The following ANP32A variants were observed in gnomAD, a reference collection of about 807,000 sequenced individuals.
The protein encoded by ANP32A is acidic nuclear phosphoprotein 32 family member A, also known as acidic leucine-rich nuclear phosphoprotein 32 family member A.
Under a neutral mutation model 33.9 loss-of-function variants are expected in ANP32A, and 1 was observed. That is an observed-to-expected ratio of 0.03 (90% CI 0.01 to 0.14). The LOEUF is 0.14. Among genes scored for constraint, ANP32A ranks in the 10% least tolerant of loss-of-function variants. The pLI is 1.00. For missense variants in ANP32A, 155 were observed against 306.0 expected, an observed-to-expected ratio of 0.51 and a Z score of 3.68; for synonymous variants, 115 against 120.5, an observed-to-expected ratio of 0.95 and a Z score of 0.30.
At chr15:68,796,025 AG>A (rs1348666716) in intron 1 of ANP32A, among the ~76,000 whole-genome samples, 2 of 152,118 alleles carry the variant, frequency 1.3e-5, no homozygotes, top group African/African-American at 4.8e-5. Flanking sequence ...AGTGTGGAAA[AG>A]GGGAGATGAA....
intron 1 of ANP32A, among the ~76,000 whole-genome samples, chr15:68,819,871 G>A (rs375826564): frequency 6.6e-6 from 1 of 152,162 alleles, no homozygotes; most frequent in Non-Finnish European, 1.5e-5. Flanking sequence ...TCCTCCCTTC[G>A]GAAGGAAAGG....
chr15:68,788,872 T>C (rs1893965925), intron 1 of ANP32A, among the ~76,000 whole-genome samples: 1 of 152,202 alleles, frequency 6.6e-6, no homozygotes, highest in Non-Finnish European at 1.5e-5. Context: ...CTAAATCCTT[T>C]ATTTCTAATG....
At chr15:68,807,667 T>C (rs1198868862) in intron 1 of ANP32A, among the ~76,000 whole-genome samples, 2 of 152,042 alleles carry the variant, frequency 1.3e-5, no homozygotes, top group Non-Finnish European at 2.9e-5. Context: ...AACCCATACC[T>C]GGCATAAACG....
chr15:68,815,059 G>C (rs554924080), intron 1 of ANP32A, among the ~76,000 whole-genome samples: 2 of 152,186 alleles, frequency 1.3e-5, no homozygotes, highest in Admixed American at 6.5e-5. Flanking sequence ...CCAGTAACAA[G>C]GATAATTTCT....
intron 1 of ANP32A, among the ~76,000 whole-genome samples, chr15:68,818,489 C>T (rs1275542586): frequency 6.6e-6 from 1 of 151,994 alleles, no homozygotes; most frequent in African/African-American, 2.4e-5. Context: ...CAGAAAGTGC[C>T]CCCTCCTCCG....
intron 1 of ANP32A, among the ~76,000 whole-genome samples, chr15:68,815,547 C>A (rs904228107): frequency 6.6e-6 from 1 of 152,120 alleles, no homozygotes; most frequent in Non-Finnish European, 1.5e-5. Flanking sequence ...ACAAATAATT[C>A]TTAGCTCATG....
chr15:68,781,118 C>A (rs202226885), intron 5 of ANP32A: 1 of 152,186 alleles, frequency 6.6e-6, no homozygotes, highest in East Asian at 1.9e-4. Flanking sequence ...TTCCTCTGCT[C>A]CTGAAAGTAT....
chr15:68,818,524 A>C (rs1336145274), intron 1 of ANP32A, among the ~76,000 whole-genome samples: 4 of 150,784 alleles, frequency 2.7e-5, no homozygotes, highest in Non-Finnish European at 4.4e-5. Flanking sequence ...CCCCGCCTCC[A>C]GGCAGGGGGC....
At chr15:68,787,725 T>TCCCCCCCC in intron 2 of ANP32A, 45 bp downstream of exon 2, 1 of 1,597,686 alleles carries the variant, frequency 6.3e-7, no homozygotes, top group Non-Finnish European at 8.6e-7. Flanking sequence ...CCCTTCCCAC[T>TCCCCCCCC]CCCCACCCCC....
chr15:68,801,601 C>A (rs1183840343), intron 1 of ANP32A, among the ~76,000 whole-genome samples: 1 of 152,074 alleles, frequency 6.6e-6, no homozygotes, highest in Admixed American at 6.5e-5. Context: ...GACTTTGCAC[C>A]CCAGAAAGCA....
intron 1 of ANP32A, chr15:68,817,468 G>A (rs1894398759): frequency 6.6e-6 from 1 of 152,354 alleles, no homozygotes. Flanking sequence ...GCTGTCCTTG[G>A]CTTCAGTCAG....
intron 1 of ANP32A, among the ~76,000 whole-genome samples, chr15:68,794,408 T>C (rs534705641): frequency 3.6e-4 from 55 of 152,230 alleles, no homozygotes; most frequent in Non-Finnish European, 7.5e-4. Context: ...GATTTTCTTT[T>C]CCTTCACGGA....
rs779085621 is a variant in ANP32A, at chr15:68,779,771, T to C, written c.*310A>G. On this transcript the variant is annotated 3_prime_UTR_variant, in exon 7 of 7. Transcript: ENST00000465139. ...GTAAGAGAACTCCAAACCATCCTCTTTGAGAGTCAGGAACAAATGCTCACT... is the reference window on the plus strand; with the variant it reads ...GTAAGAGAACTCCAAACCATCCTCTCTGAGAGTCAGGAACAAATGCTCACT... 6.2e-5 allele frequency: 18 copies of C among 289,832 alleles called. No individual in the cohort carries two copies. The highest frequency in any genetic ancestry group is 2.4e-4 in the Admixed American group (5 of 21,020). 18.0% of individuals were successfully genotyped at this position (289,832 alleles called of 1,614,324 possible).
chr15:68,816,795 T>G (rs1335440697), intron 1 of ANP32A, among the ~76,000 whole-genome samples: 1 of 152,200 alleles, frequency 6.6e-6, no homozygotes, highest in Admixed American at 6.5e-5. Context: ...GTGTAATTCC[T>G]AAGCCCATCT....
At chr15:68,818,036 A>G (rs531256517) in intron 1 of ANP32A, among the ~76,000 whole-genome samples, 123 of 152,142 alleles carry the variant, frequency 8.1e-4, no homozygotes, top group African/African-American at 2.8e-3. Flanking sequence ...CTAGCCGTTA[A>G]AAAAAATAAA....
chr15:68,797,129 C>G (rs534778391), intron 1 of ANP32A, among the ~76,000 whole-genome samples: 2 of 152,280 alleles, frequency 1.3e-5, no homozygotes, highest in East Asian at 3.9e-4. Context: ...TTAATTACAA[C>G]AAGTTTTTAA....
intron 1 of ANP32A, among the ~76,000 whole-genome samples, chr15:68,792,603 G>T (rs1158747594): frequency 1.3e-5 from 2 of 152,200 alleles, no homozygotes; most frequent in Non-Finnish European, 2.9e-5. Context: ...TGTCTTTACA[G>T]ATCTCTCAAA....
At position 68,778,877 on chromosome 15, in the gene ANP32A, T is replaced by C. The variant is rs1893827266; in HGVS notation, c.*1204A>G. The C allele has an allele frequency of 6.6e-6, 1 of 152,132 alleles. No individual in the cohort carries two copies. The highest frequency in any genetic ancestry group is 2.4e-5 in the African/African-American group (1 of 41,420). 9.4% of individuals were successfully genotyped at this position (152,132 alleles called of 1,614,324 possible). ...GCATCTTGAAAAGATCAATGGCCTG[T>C]TGGACTCAAAGAAGCCATCCCCAAA... On this transcript the variant is annotated 3_prime_UTR_variant, in exon 7 of 7. Transcript: ENST00000465139.
At chr15:68,809,751 C>A (rs906485339) in intron 1 of ANP32A, among the ~76,000 whole-genome samples, 1 of 152,076 alleles carries the variant, frequency 6.6e-6, no homozygotes, top group Admixed American at 6.6e-5. Context: ...ATGTACCAAC[C>A]GGTAGGTGAT....
Sources: gnomAD v4.1 joint callset for allele counts (sites outside exome capture counted in the v4.1 genomes callset) on GRCh38, gnomAD v4.1.1 for gene constraint, MANE v1.5 for transcripts, NCBI Gene and HGNC (gene_info 2026-07-23, HGNC 2026-07-21) for gene names.